The following ARSL variants were observed in gnomAD, a reference collection of about 807,000 sequenced individuals.
ARSL encodes the protein arylsulfatase L.
ARSL carries 4 observed loss-of-function variants against 31.1 expected under a neutral mutation model. The ratio of observed to expected loss-of-function variants is 0.13; its 90% confidence interval spans 0.06 to 0.29. The LOEUF (loss-of-function observed/expected upper bound fraction) is 0.29. ARSL is among the 10% of genes least tolerant of loss of function. The pLI is 1.00. For missense variants in ARSL, 312 were observed against 497.8 expected (o/e 0.63, Z 3.55); for synonymous variants, 198 against 209.9 (o/e 0.94, Z 0.49).
Position 2,946,209 on chromosome X carries a change from C to T in ARSL, c.855-75G>A, listed in dbSNP as rs1035561401. 33 of 1,001,189 alleles carry T rather than the reference C, an allele frequency of 3.3e-5. 1 individual carries two copies. Among genetic ancestry groups the T allele is most frequent in the Middle Eastern group, 6.9e-4 (2 of 2,907 alleles). The allele number at this position is 1,001,189 out of a possible 1,213,427, so 82.5% of individuals were successfully genotyped here. A position where few individuals can be genotyped will look rare whatever the true frequency, so the allele number is the denominator to read the frequency against. On this transcript the variant is annotated intron_variant, in intron 6 of 10. Transcript: ENST00000381134. ...ATTGAAGTCCTGTAGATACTAAATA[C>T]GGATCTCACTTGTCACATCATTACT...
chrX:2,942,543 C>T (rs1027692171), intron 8 of ARSL, among the ~76,000 whole-genome samples: 2 of 111,366 alleles, frequency 1.8e-5, no homozygotes, highest in Non-Finnish European at 3.8e-5. Flanking sequence ...CCACGCACCT[C>T]GGCTTCCCAA....
chrX:2,955,680 CAA>C (rs1276589774), intron 3 of ARSL, 143 bp from the exon 4 acceptor site: 1 of 705,111 alleles, frequency 1.4e-6, no homozygotes, highest in East Asian at 3.6e-5. Flanking sequence ...AAGGTAATGT[CAA>C]AGATTTCTAA....
chrX:2,948,630 A>G (rs948304156), intron 6 of ARSL, among the ~76,000 whole-genome samples: 2 of 111,371 alleles, frequency 1.8e-5, no homozygotes, highest in Non-Finnish European at 3.8e-5. Flanking sequence ...AGCTGGGCCT[A>G]CAAGTCCATG....
intron 6 of ARSL, among the ~76,000 whole-genome samples, chrX:2,947,779 AAGCTAATTGT>A (rs1167243604): frequency 3.6e-5 from 4 of 112,348 alleles, no homozygotes; most frequent in Non-Finnish European, 7.5e-5. Flanking sequence ...TTTAATTTGC[AAGCTAATTGT>A]CAATGTCCTT....
intron 3 of ARSL, among the ~76,000 whole-genome samples, chrX:2,957,785 T>C (rs2089547027): frequency 1.8e-5 from 2 of 109,881 alleles, no homozygotes; most frequent in South Asian, 7.8e-4. Flanking sequence ...TTTGGGAGGC[T>C]GAGGTGTGTG....
upstream of ARSL, among the ~76,000 whole-genome samples, chrX:2,966,332 G>A (rs1288836519): frequency 1.8e-5 from 2 of 111,349 alleles, no homozygotes; most frequent in Non-Finnish European, 3.8e-5. Flanking sequence ...CTTTCACTTT[G>A]TGATTTTTGG....
chrX:2,936,891 G>T (rs368641608), intron 9 of ARSL, 28 bp from the exon 10 acceptor site: 2 of 1,209,395 alleles, frequency 1.7e-6, no homozygotes, highest in Non-Finnish European at 2.2e-6. Flanking sequence ...GCATGGCTCA[G>T]GGTTGGAACA....
At chrX:2,945,788 G>A (rs776149869) in intron 7 of ARSL, among the ~76,000 whole-genome samples, 41 of 112,284 alleles carry the variant, frequency 3.7e-4, no homozygotes, top group South Asian at 7.4e-4. Flanking sequence ...ATCTTTGGCC[G>A]AATCGCATTG....
chrX:2,943,816 T>C (rs1025505228), intron 7 of ARSL, among the ~76,000 whole-genome samples: 13 of 84,357 alleles, frequency 1.5e-4, no homozygotes, highest in African/African-American at 5.7e-4. Flanking sequence ...AGACTGAAAA[T>C]GCAGACCAGT....
chrX:2,935,771 G>A (rs773948783), intron 10 of ARSL, among the ~76,000 whole-genome samples: 1 of 107,023 alleles, frequency 9.3e-6, no homozygotes, highest in East Asian at 3.0e-4. Context: ...TCCGCCTCCT[G>A]GGTTCAAGTG....
chrX:2,951,987 T>G (rs2089470230), intron 5 of ARSL, among the ~76,000 whole-genome samples: 1 of 107,837 alleles, frequency 9.3e-6, no homozygotes, highest in African/African-American at 3.6e-5. Context: ...TCATGTTGTT[T>G]GTTATCAATA....
At chrX:2,968,038 G>T, upstream of ARSL, 1 of 908,445 alleles carries the variant, frequency 1.1e-6, no homozygotes, top group Non-Finnish European at 1.5e-6. Context: ...TTAAAACATT[G>T]ACAGGGACTT....
In ARSL at chrX:2,958,350, G is replaced by A. The variant is rs754885040; in HGVS notation, c.109C>T (p.Arg37Ter). Residue 37 changes from arginine (R) to a stop codon, truncating the protein, a stop_gained, in exon 3 of 11, where the codon CGA becomes TGA. Coordinates refer to ENST00000381134, the MANE Select transcript of ARSL (RefSeq NM_000047.3). LOFTEE classifies it high-confidence loss of function. The part of the protein sequence containing the change: ...PSASSDISAS[R>*]PNILLLMADD... Reference sequence around the variant, plus strand: ...GCCATCAGAAGAAGGATGTTCGGTCGGGAGGCGGAAATGTCGCTGGAAGCT... The same window carrying A: ...GCCATCAGAAGAAGGATGTTCGGTCAGGAGGCGGAAATGTCGCTGGAAGCT... 8.3e-7 allele frequency: 1 copy of A among 1,211,880 alleles called. No homozygotes were observed. The highest frequency in any genetic ancestry group is 1.7e-5 in the African/African-American group (1 of 57,832).
intron 1 of ARSL, among the ~76,000 whole-genome samples, chrX:2,961,388 T>G (rs907014430): frequency 2.7e-5 from 3 of 111,533 alleles, no homozygotes; most frequent in African/African-American, 9.8e-5. Flanking sequence ...GACGAAGCTC[T>G]GATTTTTCTT....
chrX:2,937,887 C>T (rs776164692), intron 9 of ARSL, among the ~76,000 whole-genome samples: 30 of 111,878 alleles, frequency 2.7e-4, no homozygotes, highest in Non-Finnish European at 5.1e-4. Flanking sequence ...GCCTTCTCCC[C>T]GTATCTGGTT....
rs189195626 is a variant in ARSL, at chrX:2,952,936, C to A, written c.430+207G>T. The A allele has an allele frequency of 2.6e-4, 95 of 366,437 alleles. No homozygotes were observed. The East Asian group carries it at 4.3e-3, about 16-fold the overall frequency. The allele number at this position is 366,437 out of a possible 1,213,427, so 30.2% of individuals were successfully genotyped here. ...CCTCTCAAAGTACTGGGATTATAGG[C>A]ATGAGCCACCTTGCCTGAGCTGGTA... On this transcript the variant is annotated intron_variant, in intron 5 of 10. Transcript: ENST00000381134.
intron 6 of ARSL, among the ~76,000 whole-genome samples, chrX:2,948,750 C>T (rs752612783): frequency 3.6e-5 from 4 of 110,508 alleles, no homozygotes; most frequent in Admixed American, 9.7e-5. Context: ...CTCAGTCTCC[C>T]GAGTAGCTGG....
rs1057521599 is a variant in ARSL at position 2,960,378 on chromosome X, C to G, written c.23G>C (p.Cys8Ser). The change falls in exon 2 of 11, where the codon TGT becomes TCT. Residue 8 changes from cysteine (C) to serine (S), a missense_variant and splice_region_variant. Transcript: ENST00000381134. ...ATGAGTGCATATAATTGTATCTTAC[C>G]AAGAATGGTGCAGATGTAACATGTT... The part of the protein sequence containing the change: MLHLHHS[C>S]LCFRSWLPAM... 3.2e-5 allele frequency: 38 copies of G among 1,173,549 alleles called. No individual in the cohort carries two copies. Among genetic ancestry groups the G allele is most frequent in the Non-Finnish European group, 4.1e-5 (36 of 868,220 alleles).
At chrX:2,963,974 G>C (rs2089674456) in intron 1 of ARSL, among the ~76,000 whole-genome samples, 1 of 111,750 alleles carries the variant, frequency 8.9e-6, no homozygotes, top group Non-Finnish European at 1.9e-5. Context: ...TGGAAACTGT[G>C]ACATTGAGGT....
Sources: gnomAD v4.1 joint callset for allele counts (sites outside exome capture counted in the v4.1 genomes callset) on GRCh38, gnomAD v4.1.1 for gene constraint, MANE v1.5 for transcripts, NCBI Gene and HGNC (gene_info 2026-07-23, HGNC 2026-07-21) for gene names.